GSAP: variants seen among roughly 807,000 people sequenced by gnomAD.
The protein encoded by GSAP is gamma-secretase-activating protein.
A neutral mutation model predicts 131.7 loss-of-function variants in GSAP; 118 were observed. The ratio of observed to expected loss-of-function variants is 0.90; its 90% CI spans 0.77 to 1.04. GSAP has a LOEUF of 1.04. Ranked by LOEUF, GSAP falls within the 50% of genes least tolerant of loss-of-function variation. The pLI, the probability that GSAP is intolerant of heterozygous loss-of-function variation, is 0.00. For missense variants in GSAP, 1,019 were observed against 1,013.2 expected (o/e 1.01, Z -0.08); for synonymous variants, 381 against 363.4 (o/e 1.05, Z -0.55).
At chr7:77,352,507 G>C (rs577149245) in intron 18 of GSAP, among the ~76,000 whole-genome samples, 1 of 152,310 alleles carries the variant, frequency 6.6e-6, no homozygotes, top group East Asian at 1.9e-4. Context: ...GACTTTTACT[G>C]ATCCTGAAGC....
rs943324715 is a variant in GSAP at position 77,382,630 on chromosome 7, T to A, written c.470A>T (p.His157Leu). The A allele has an allele frequency of 1.9e-6, 3 of 1,547,712 alleles. No homozygotes were observed. In the Middle Eastern group the frequency reaches 5.1e-4, roughly 261 times the overall value. ...CTCTGGAAGAGGATGACTTTCAATA[T>A]GTGGGTAGAGAAACTGTAAAAAAGA... ...SYIWVQFLYP[H>L]IESHPLPENH... is the part of the protein sequence containing the mutation. The change falls in exon 7 of 31, where the codon CAT becomes CTT. Residue 157 changes from histidine (H) to leucine (L), a missense_variant. Physicochemically the swap from His to Leu is moderately conservative, Grantham distance 99. Coordinates refer to ENST00000257626, the MANE Select transcript of GSAP (RefSeq NM_017439.4).
intron 12 of GSAP, 74 bp downstream of exon 12, chr7:77,373,996 A>G: frequency 1.2e-6 from 1 of 812,106 alleles, no homozygotes; most frequent in Non-Finnish European, 2.2e-6. Context: ...GACTCCATAT[A>G]GCTAAACAAT....
Position 77,311,192 on chromosome 7 carries a change from C to A in GSAP, c.*166G>T, listed in dbSNP as rs886835279. On this transcript the variant is annotated 3_prime_UTR_variant, in exon 31 of 31. Coordinates refer to ENST00000257626, the MANE Select transcript of GSAP (RefSeq NM_017439.4). ...GGCTATTCAAAATTGGAATGTGATA[C>A]AGCAGTTCTGTCTGAACGTGTACCA... The A allele has an allele frequency of 1.7e-6, 1 of 580,986 alleles. No homozygotes were observed. The highest frequency in any genetic ancestry group is 3.0e-5 in the Admixed American group (1 of 33,636). The allele number at this position is 580,986 out of a possible 1,614,324, so 36.0% of individuals were successfully genotyped here. A position where few individuals can be genotyped will look rare whatever the true frequency, so the allele number is the denominator to read the frequency against.
chr7:77,407,923 A>G (rs934972587), intron 1 of GSAP, among the ~76,000 whole-genome samples: 5 of 152,258 alleles, frequency 3.3e-5, no homozygotes, highest in African/African-American at 1.2e-4. Context: ...GTACAAAACA[A>G]TGAATTAATA....
In GSAP at chr7:77,323,710, T is replaced by C. The variant is rs1787955160; in HGVS notation, c.1860A>G (p.Arg620=). 1 of 1,602,002 alleles carries C rather than the reference T, an allele frequency of 6.2e-7. No homozygotes were observed. The highest frequency in any genetic ancestry group is 8.5e-7 in the Non-Finnish European group (1 of 1,170,984). ...MVSELKDHFL[R]HLQGVEKKKI... is the part of the protein sequence containing the mutation. Reference sequence around the variant, plus strand: ...TCTTCTTTTCTACACCCTGTAGGTGTCTCAAAAAATGGTCTTTTAGCTCAG... The same window carrying C: ...TCTTCTTTTCTACACCCTGTAGGTGCCTCAAAAAATGGTCTTTTAGCTCAG... The change falls in exon 24 of 31, where the codon AGA becomes AGG. Residue 620 remains arginine (R), a synonymous_variant. Coordinates refer to ENST00000257626, the MANE Select transcript of GSAP (RefSeq NM_017439.4).
At chr7:77,372,183 G>C (rs142409926) in intron 12 of GSAP, among the ~76,000 whole-genome samples, 8 of 152,328 alleles carry the variant, frequency 5.3e-5, no homozygotes, top group African/African-American at 1.9e-4. Flanking sequence ...TAAACAATTG[G>C]ATAAATCCAG....
At chr7:77,413,282 A>G (rs1803629881) in intron 1 of GSAP, among the ~76,000 whole-genome samples, 1 of 152,210 alleles carries the variant, frequency 6.6e-6, no homozygotes, top group South Asian at 2.1e-4. Context: ...GAGTTGTCCC[A>G]TGTTCAGTCA....
At chr7:77,401,209 C>G (rs1011850108) in intron 3 of GSAP, among the ~76,000 whole-genome samples, 11 of 151,768 alleles carry the variant, frequency 7.2e-5, no homozygotes, top group Non-Finnish European at 1.5e-4. Flanking sequence ...CTAAAAATGT[C>G]CCAAATTTGG....
intron 3 of GSAP, among the ~76,000 whole-genome samples, chr7:77,401,443 G>A (rs986950609): frequency 6.6e-6 from 1 of 152,058 alleles, no homozygotes; most frequent in African/African-American, 2.4e-5. Context: ...GAAGTGGCAT[G>A]TTTTTCAAGA....
rs542767582 is a variant in GSAP at position 77,314,573 on chromosome 7, A to C, written c.2090-84T>G. On this transcript the variant is annotated intron_variant, in intron 26 of 30. Transcript: ENST00000257626. ...GGAATGGATTAGATCATGTTAATAA[A>C]GCACTTAGTTCAGTGCTTGGTGCCT... The C allele has an allele frequency of 6.2e-5, 93 of 1,508,720 alleles. 1 individual carries two copies. The South Asian group carries it at 9.8e-4, about 16-fold the overall frequency. 93.5% of individuals were successfully genotyped at this position (1,508,720 alleles called of 1,614,324 possible).
intron 12 of GSAP, among the ~76,000 whole-genome samples, chr7:77,368,677 G>A (rs1408908338): frequency 6.6e-6 from 1 of 152,216 alleles, no homozygotes; most frequent in Non-Finnish European, 1.5e-5. Context: ...TAAGTCTATT[G>A]CCTCAGGCAA....
chr7:77,371,410 A>C (rs1407660468), intron 12 of GSAP, among the ~76,000 whole-genome samples: 2 of 148,620 alleles, frequency 1.3e-5, no homozygotes, highest in Non-Finnish European at 3.0e-5. Flanking sequence ...TGCCTTCTCC[A>C]ATCCGTCCTC....
At chr7:77,401,662 A>G (rs1801341102) in intron 3 of GSAP, among the ~76,000 whole-genome samples, 2 of 152,212 alleles carry the variant, frequency 1.3e-5, no homozygotes, top group South Asian at 2.1e-4. Flanking sequence ...AGAACCATGG[A>G]AAGAGCAAAT....
chr7:77,336,920 T>G (rs940252228), intron 19 of GSAP, among the ~76,000 whole-genome samples: 1 of 152,234 alleles, frequency 6.6e-6, no homozygotes, highest in Non-Finnish European at 1.5e-5. Context: ...ATGTGCAAAC[T>G]GAACTTTGGG....
intron 1 of GSAP, among the ~76,000 whole-genome samples, chr7:77,410,409 T>G (rs1016769478): frequency 6.6e-6 from 1 of 152,234 alleles, no homozygotes; most frequent in Non-Finnish European, 1.5e-5. Context: ...ACCTCTTTGC[T>G]TATTCATTCT....
At chr7:77,398,646 T>TA (rs1272827114) in intron 3 of GSAP, among the ~76,000 whole-genome samples, 2 of 152,242 alleles carry the variant, frequency 1.3e-5, no homozygotes, top group South Asian at 2.1e-4. Flanking sequence ...GGCATGCCTG[T>TA]AGTCCTAGCT....
At chr7:77,416,151 C>CG (rs1334292041) in intron 1 of GSAP, 62 bp downstream of exon 1, 5 of 989,252 alleles carry the variant, frequency 5.1e-6, no homozygotes, top group East Asian at 6.6e-5. Context: ...GGTCGGAGTC[C>CG]GGGGGGTATG....
At chr7:77,379,425 C>A (rs1417250970) in intron 8 of GSAP, among the ~76,000 whole-genome samples, 1 of 151,796 alleles carries the variant, frequency 6.6e-6, no homozygotes, top group African/African-American at 2.4e-5. Flanking sequence ...AAGCTGTCAT[C>A]TAAGCCTTTA....
At chr7:77,358,208 G>A (rs1027282276) in intron 14 of GSAP, among the ~76,000 whole-genome samples, 6 of 152,302 alleles carry the variant, frequency 3.9e-5, no homozygotes, top group Admixed American at 2.0e-4. Context: ...TGGGCATGGC[G>A]GCATGCGCCT....
Sources: allele counts gnomAD v4.1 joint callset (sites outside exome capture counted in the v4.1 genomes callset), GRCh38; gene constraint gnomAD v4.1.1; transcripts MANE v1.5; gene names NCBI Gene and HGNC (gene_info 2026-07-23, HGNC 2026-07-21).